SNX29: variants seen among roughly 807,000 people sequenced by gnomAD.
SNX29 encodes sorting nexin 29.
Under a neutral mutation model 102.1 loss-of-function variants are expected in SNX29, and 78 were observed. The observed-to-expected ratio is 0.76, with a 90% CI of 0.64 to 0.92. The LOEUF is 0.92. Among genes scored for constraint, SNX29 ranks in the 40% least tolerant of loss-of-function variants. The probability of loss-of-function intolerance (pLI) is 0.00; values close to 1 mark genes in which losing one functional copy is unlikely to be tolerated. For synonymous variants in SNX29, 580 were observed against 414.5 expected, an observed-to-expected ratio of 1.40 and a Z score of -4.85; for missense variants, 1,280 against 1,061.7, an observed-to-expected ratio of 1.21 and a Z score of -2.86.
Position 12,403,431 on chromosome 16 carries a change from CTCTT to C in SNX29, c.1956-16_1956-13del. 2 of 1,595,300 alleles carry C rather than the reference CTCTT, an allele frequency of 1.3e-6. No individual in the cohort carries two copies. The highest frequency in any genetic ancestry group is 1.7e-6 in the Non-Finnish European group (2 of 1,169,654). On this transcript the variant is annotated splice_polypyrimidine_tract_variant and intron_variant, in intron 17 of 20. Coordinates refer to ENST00000566228, the MANE Select transcript of SNX29 (RefSeq NM_032167.5). ...TAAAATGTCTAATGTTGGTCTCTCT[CTCTT>C]CCTTTTGGTTAGATCAAACCGGGCG... is the stretch of plus-strand genomic sequence containing the variant.
At chr16:12,003,112 A>G in intron 3 of SNX29, 69 bp downstream of exon 3, 1 of 1,589,806 alleles carries the variant, frequency 6.3e-7, no homozygotes, top group Non-Finnish European at 8.6e-7. Context: ...GCCGGCTTCT[A>G]AAACCGTTGA....
At chr16:12,449,669 A>G (rs893054068) in intron 18 of SNX29, among the ~76,000 whole-genome samples, 1 of 152,122 alleles carries the variant, frequency 6.6e-6, no homozygotes, top group African/African-American at 2.4e-5. Flanking sequence ...ATCACTTCAG[A>G]AGCTATTTGT....
rs1396193185 is a variant in SNX29 at position 12,574,139 on chromosome 16, T to TTG, written c.*5511_*5512insGT. The TTG allele has an allele frequency of 2.2e-5, 4 of 183,112 alleles. No individual in the cohort carries two copies. Among genetic ancestry groups the TTG allele is most frequent in the Admixed American group, 1.2e-4 (2 of 16,012 alleles). 11.3% of individuals were successfully genotyped at this position (183,112 alleles called of 1,614,324 possible). On this transcript the variant is annotated 3_prime_UTR_variant, in exon 21 of 21. Transcript: ENST00000566228. The stretch of plus-strand genomic sequence containing the variant: ...TATGTTAAGGTTTACATAATAGGAT[T>TTG]TTTAAACAAATGTGTTTAATTTTTT...
chr16:12,242,368 T>TA (rs1491230065), intron 14 of SNX29, among the ~76,000 whole-genome samples: 9,645 of 116,674 alleles, frequency 0.083, 434 homozygotes, highest in African/African-American at 0.17. Context: ...TATATATATA[T>TA]TTTTTTTTTT....
chr16:12,377,202 AG>A (rs1285241218), intron 16 of SNX29, among the ~76,000 whole-genome samples: 1 of 152,226 alleles, frequency 6.6e-6, no homozygotes, highest in Non-Finnish European at 1.5e-5. Flanking sequence ...GCTGTAAAAC[AG>A]GGTGTAGTAT....
At chr16:12,553,694 A>C (rs1313136603) in intron 20 of SNX29, among the ~76,000 whole-genome samples, 1 of 150,024 alleles carries the variant, frequency 6.7e-6, no homozygotes, top group Non-Finnish European at 1.5e-5. Context: ...GGGTTCAAAC[A>C]ATTCTGCCTC....
chr16:11,978,304 G>A (rs442234), intron 1 of SNX29, among the ~76,000 whole-genome samples: 62,096 of 152,078 alleles, frequency 0.41, 14,219 homozygotes, highest in Non-Finnish European at 0.52. Flanking sequence ...CAGGAGCTGA[G>A]GTAGGTTGGT....
intron 18 of SNX29, among the ~76,000 whole-genome samples, chr16:12,424,160 C>G (rs980684572): frequency 6.6e-6 from 1 of 152,212 alleles, no homozygotes; most frequent in African/African-American, 2.4e-5. Flanking sequence ...GCCAATTTCT[C>G]TTCCCAGGTA....
chr16:12,301,404 C>G (rs1356149653), intron 15 of SNX29, among the ~76,000 whole-genome samples: 1 of 152,216 alleles, frequency 6.6e-6, no homozygotes, highest in African/African-American at 2.4e-5. Flanking sequence ...TTACTCCACC[C>G]TCCAGGGTCT....
intron 20 of SNX29, chr16:12,556,293 G>A (rs2078344103): frequency 6.6e-6 from 1 of 152,196 alleles, no homozygotes; most frequent in South Asian, 2.1e-4. Context: ...TGTGGGGCCA[G>A]CGGGCATTGG....
intron 15 of SNX29, among the ~76,000 whole-genome samples, chr16:12,302,039 A>G (rs1253529361): frequency 1.3e-5 from 2 of 152,224 alleles, no homozygotes; most frequent in Non-Finnish European, 2.9e-5. Context: ...GTCTCAATTC[A>G]CAATGAAGGA....
At chr16:12,235,540 C>T (rs923023016) in intron 14 of SNX29, among the ~76,000 whole-genome samples, 8 of 151,654 alleles carry the variant, frequency 5.3e-5, no homozygotes, top group African/African-American at 2.0e-4. Context: ...TTCTGCCTTT[C>T]CATTTTCCCA....
chr16:12,064,509 G>A (rs1010717777), intron 9 of SNX29, among the ~76,000 whole-genome samples: 29 of 152,222 alleles, frequency 1.9e-4, no homozygotes, highest in Non-Finnish European at 2.9e-5. Flanking sequence ...GTGTGCCGGC[G>A]TCAGCCAGCA....
chr16:12,545,346 A>T lies in SNX29; in HGVS notation c.2318+20505A>T, dbSNP rs558742165. Reference sequence around the variant, plus strand: ...CAGAGAAAGGGTGTCACATAGTTCCAAGTACATACAGAGTGACAACCCATT... The same window carrying T: ...CAGAGAAAGGGTGTCACATAGTTCCTAGTACATACAGAGTGACAACCCATT... On this transcript the variant is annotated intron_variant, in intron 20 of 20. Transcript: ENST00000566228. 8 of 152,298 alleles carry T rather than the reference A, an allele frequency of 5.3e-5. 1 individual carries two copies. The South Asian group carries it at 1.7e-3, about 32-fold the overall frequency. The allele number at this position is 152,298 out of a possible 1,614,324, so 9.4% of individuals were successfully genotyped here. A position where few individuals can be genotyped will look rare whatever the true frequency, so the allele number is the denominator to read the frequency against.
At chr16:12,539,808 GAT>G (rs1280140979) in intron 20 of SNX29, among the ~76,000 whole-genome samples, 1 of 152,154 alleles carries the variant, frequency 6.6e-6, no homozygotes, top group Non-Finnish European at 1.5e-5. Context: ...TTTTCATGTG[GAT>G]GTTTTCCTTT....
At chr16:12,406,568 A>G (rs936955299) in intron 18 of SNX29, among the ~76,000 whole-genome samples, 1 of 152,202 alleles carries the variant, frequency 6.6e-6, no homozygotes. Flanking sequence ...CGCTGTCTGT[A>G]CCAGAGCTCC....
intron 2 of SNX29, among the ~76,000 whole-genome samples, chr16:12,001,245 G>T (rs1418669214): frequency 6.6e-6 from 1 of 152,036 alleles, no homozygotes; most frequent in Non-Finnish European, 1.5e-5. Flanking sequence ...ATGAGTAGCT[G>T]GGACTACAGG....
At chr16:12,338,589 G>A (rs2081522151) in intron 15 of SNX29, among the ~76,000 whole-genome samples, 1 of 152,206 alleles carries the variant, frequency 6.6e-6, no homozygotes, top group Non-Finnish European at 1.5e-5. Context: ...CAGAAAGGCT[G>A]TGTAATTTGT....
chr16:12,545,725 A>C (rs1641880), intron 20 of SNX29: 63,833 of 151,898 alleles, frequency 0.42, 14,029 homozygotes, highest in East Asian at 0.77. Flanking sequence ...AGACGAGGTC[A>C]CCATGAAGCC....
Sources: allele counts gnomAD v4.1 joint callset (sites outside exome capture counted in the v4.1 genomes callset), GRCh38; gene constraint gnomAD v4.1.1; transcripts MANE v1.5; gene names NCBI Gene and HGNC (gene_info 2026-07-23, HGNC 2026-07-21).